Variants in PCDHGA5 observed in about 807,000 individuals in gnomAD.
PCDHGA5 encodes the protein protocadherin gamma-A5.
A neutral mutation model predicts 56.7 loss-of-function variants in PCDHGA5; 36 were observed. The ratio of observed to expected loss-of-function variants is 0.64; its 90% CI spans 0.49 to 0.84. The LOEUF (loss-of-function observed/expected upper bound fraction) is 0.84, where lower values mean the gene tolerates loss of function less well. PCDHGA5 is among the 40% of genes least tolerant of loss of function. The pLI is 0.00. For missense variants in PCDHGA5, 1,305 were observed against 1,201.5 expected (o/e 1.09, Z -1.27); for synonymous variants, 563 against 520.2 (o/e 1.08, Z -1.12).
At chr5:141,373,335 A>G (rs1769489383) in intron 1 of PCDHGA5, among the ~76,000 whole-genome samples, 1 of 152,236 alleles carries the variant, frequency 6.6e-6, no homozygotes, top group Admixed American at 6.5e-5. Flanking sequence ...GGCATCTAAA[A>G]TGGCAACTCT....
chr5:141,384,402 GTCC>G lies in PCDHGA5; in HGVS notation c.2421+17656_2421+17658del, dbSNP rs781624552. ...AAGACACCATCCAGGGGGCTCCAGTGTCCTCCTATGTCTCCATAAACTCTGACA... is the reference window on the plus strand; with the variant it reads ...AAGACACCATCCAGGGGGCTCCAGTGTCCTATGTCTCCATAAACTCTGACA... On this transcript the variant is annotated intron_variant, in intron 1 of 3. Coordinates refer to ENST00000518069, the MANE Select transcript of PCDHGA5 (RefSeq NM_018918.3). The G allele has an allele frequency of 1.8e-5, 29 of 1,613,830 alleles. No homozygotes were observed. The African/African-American group carries it at 2.4e-4, about 13-fold the overall frequency.
intron 1 of PCDHGA5, chr5:141,403,145 C>T (rs749236674): frequency 2.5e-6 from 4 of 1,613,920 alleles, no homozygotes; most frequent in African/African-American, 1.3e-5. Flanking sequence ...GCGCCGAGTC[C>T]GCATCGTCTC....
intron 1 of PCDHGA5, chr5:141,372,343 G>A: frequency 6.2e-7 from 1 of 1,613,790 alleles, no homozygotes; most frequent in Non-Finnish European, 8.5e-7. Context: ...CGTGATGGAG[G>A]ACAGCAGCCT....
chr5:141,389,457 G>A, intron 1 of PCDHGA5: 1 of 1,613,220 alleles, frequency 6.2e-7, no homozygotes, highest in Non-Finnish European at 8.5e-7. Context: ...GCAGCTGCGC[G>A]CCTTCGAACT....
Position 141,486,616 on chromosome 5 carries a change from C to A in PCDHGA5, c.2422-8191C>A. On this transcript the variant is annotated intron_variant, in intron 1 of 3. Transcript: ENST00000518069. The surrounding 1 kb of genome is among the most constrained non-coding windows in gnomAD (Gnocchi z 5.0). ...TGCTTTGCTCCCTTGCAGCCTCTGACCCAGACTCTGGCTTGAATGCGCTTA... is the reference window on the plus strand; with the variant it reads ...TGCTTTGCTCCCTTGCAGCCTCTGAACCAGACTCTGGCTTGAATGCGCTTA... The A allele has an allele frequency of 6.2e-7, 1 of 1,613,618 alleles. No individual in the cohort carries two copies. Among genetic ancestry groups the A allele is most frequent in the Non-Finnish European group, 8.5e-7 (1 of 1,180,022 alleles).
In PCDHGA5 at chr5:141,490,706, T is replaced by C. The variant is rs777636562; in HGVS notation, c.2422-4101T>C. On this transcript the variant is annotated intron_variant, in intron 1 of 3. Coordinates refer to ENST00000518069, the MANE Select transcript of PCDHGA5 (RefSeq NM_018918.3). This position sits in a 1 kb window ranked among gnomAD's most constrained non-coding sequence, Gnocchi z 5.4. ...CCAGACACTGGGGATAATGCCCGCC[T>C]CACCTACTCCATTGTAGGAAATCAG... is the stretch of plus-strand genomic sequence containing the variant. The C allele has an allele frequency of 6.2e-7, 1 of 1,614,074 alleles. No homozygotes were observed. Among genetic ancestry groups the C allele is most frequent in the African/African-American group, 1.3e-5 (1 of 74,948 alleles).
chr5:141,415,853 G>GTAGTT, intron 1 of PCDHGA5: 1 of 1,186,350 alleles, frequency 8.4e-7, no homozygotes, highest in Non-Finnish European at 1.1e-6. Context: ...GCAGAACCTT[G>GTAGTT]TAGTTTATAG....
At position 141,364,454 on chromosome 5, in the gene PCDHGA5, G is replaced by A. The variant is rs1162340616; in HGVS notation, c.124G>A (p.Gly42Ser). 3 of 1,613,884 alleles carry A rather than the reference G, an allele frequency of 1.9e-6. No individual in the cohort carries two copies. Among genetic ancestry groups the A allele is most frequent in the East Asian group, 4.5e-5 (2 of 44,878 alleles). ...CTCGATGCCGGAGGAGCTGGACAAAGGCTCCTTCGTCGGCAACATAGCCAA... is the reference window on the plus strand; with the variant it reads ...CTCGATGCCGGAGGAGCTGGACAAAAGCTCCTTCGTCGGCAACATAGCCAA... The part of the protein sequence containing the change: ...RYSMPEELDK[G>S]SFVGNIAKDL... The change falls in exon 1 of 4, where the codon GGC (glycine) becomes AGC (serine). Residue 42 changes from glycine (G) to serine (S), a missense_variant. Gly to Ser is a moderately conservative substitution (Grantham distance 56, BLOSUM62 0). Transcript: ENST00000518069.
intron 1 of PCDHGA5, among the ~76,000 whole-genome samples, chr5:141,456,537 G>A (rs1411788378): frequency 1.3e-5 from 2 of 152,178 alleles, no homozygotes; most frequent in African/African-American, 4.8e-5. Flanking sequence ...ATTAAAGAGG[G>A]ATTGTAGCCA....
rs926009065 is a variant in PCDHGA5, at chr5:141,488,023, AG to A, written c.2422-6782del. ...TCAGATTCTGAAGTACCTTAACTCT[AG>A]GTTACCATTTCCCAAGGGATTGAGG... On this transcript the variant is annotated intron_variant, in intron 1 of 3. Transcript: ENST00000518069. 1.4e-3 allele frequency among the ~76,000 whole-genome samples: 213 copies of A among 152,260 alleles called. 1 individual carries two copies. The highest frequency in any genetic ancestry group is 5.0e-3 in the African/African-American group (208 of 41,542).
rs1281971399 is a variant in PCDHGA5 at position 141,366,169 on chromosome 5, G to A, written c.1839G>A (p.Glu613=). 1 of 1,613,962 alleles carries A rather than the reference G, an allele frequency of 6.2e-7. No homozygotes were observed. The highest frequency in any genetic ancestry group is 8.5e-7 in the Non-Finnish European group (1 of 1,180,058). The change falls in exon 1 of 4, where the codon GAG becomes GAA. Residue 613 remains glutamate (E), a synonymous_variant. Coordinates refer to ENST00000518069, the MANE Select transcript of PCDHGA5 (RefSeq NM_018918.3). ...WLSYRLLKAS[E]PGLFAVGLHT... is the part of the protein sequence containing the mutation. ...CCTACCGCCTGCTTAAGGCCAGCGA[G>A]CCAGGACTCTTTGCGGTTGGGCTGC...
intron 1 of PCDHGA5, chr5:141,384,146 C>T (rs369384722): frequency 6.2e-7 from 1 of 1,613,048 alleles, no homozygotes; most frequent in African/African-American, 1.3e-5. Context: ...GAAACACTCT[C>T]TTTGTATAAC....
rs982627903 is a variant in PCDHGA5, at chr5:141,421,421, T to C, written c.2421+54670T>C. ...CCCCGGGAGCTGGCGAAGCGCGGAGTCCGCATCGTCTCCAGAGGGAAGACA... is the reference window on the plus strand; with the variant it reads ...CCCCGGGAGCTGGCGAAGCGCGGAGCCCGCATCGTCTCCAGAGGGAAGACA... On this transcript the variant is annotated intron_variant, in intron 1 of 3. Coordinates refer to ENST00000518069, the MANE Select transcript of PCDHGA5 (RefSeq NM_018918.3). The C allele has an allele frequency of 6.2e-7, 1 of 1,613,994 alleles. No individual in the cohort carries two copies. The highest frequency in any genetic ancestry group is 1.3e-5 in the African/African-American group (1 of 75,052).
intron 1 of PCDHGA5, chr5:141,419,427 A>C: frequency 1.2e-6 from 2 of 1,613,290 alleles, no homozygotes; most frequent in Non-Finnish European, 1.7e-6. Context: ...TTCGACCACG[A>C]GCAGCTGCGC....
At chr5:141,398,006 A>G in intron 1 of PCDHGA5, 1 of 1,396,152 alleles carries the variant, frequency 7.2e-7, no homozygotes. Context: ...TCGGAAAAAG[A>G]ATCGTTTCCT....
intron 1 of PCDHGA5, among the ~76,000 whole-genome samples, chr5:141,456,287 C>T (rs951430060): frequency 1.3e-5 from 2 of 152,048 alleles, no homozygotes; most frequent in Non-Finnish European, 2.9e-5. Flanking sequence ...TGAAAAGGGG[C>T]GTCTAATGGA....
chr5:141,413,435 G>T lies in PCDHGA5; in HGVS notation c.2421+46684G>T, dbSNP rs1018097924. 17 of 1,614,004 alleles carry T rather than the reference G, an allele frequency of 1.1e-5. No homozygotes were observed. The African/African-American group carries it at 2.1e-4, about 20-fold the overall frequency. On this transcript the variant is annotated intron_variant, in intron 1 of 3. Coordinates refer to ENST00000518069, the MANE Select transcript of PCDHGA5 (RefSeq NM_018918.3). Reference sequence around the variant, plus strand: ...TTCTCTCTGAACCCGCGCAGCGGCAGCTTGATCACCGCGGGCAGGATAGAC... The same window carrying T: ...TTCTCTCTGAACCCGCGCAGCGGCATCTTGATCACCGCGGGCAGGATAGAC...
intron 1 of PCDHGA5, chr5:141,410,087 G>C (rs1427716409): frequency 6.2e-7 from 1 of 1,612,364 alleles, no homozygotes; most frequent in Admixed American, 1.7e-5. Context: ...GGTGCGCACG[G>C]CTCGAGCCTT....
chr5:141,433,365 A>G (rs1347170890), intron 1 of PCDHGA5: 7 of 523,718 alleles, frequency 1.3e-5, no homozygotes, highest in Non-Finnish European at 2.4e-5. Context: ...CTGCCTATCT[A>G]TCTATCTATC....
Sources: gnomAD v4.1 joint callset for allele counts (sites outside exome capture counted in the v4.1 genomes callset) on GRCh38, gnomAD v4.1.1 for gene constraint, Gnocchi (gnomAD v3.1) non-coding constraint, MANE v1.5 for transcripts, NCBI Gene and HGNC (gene_info 2026-07-23, HGNC 2026-07-21) for gene names.